NAALAD2: variants seen among roughly 807,000 people sequenced by gnomAD.
NAALAD2 encodes N-acetylated alpha-linked acidic dipeptidase 2, also known as N-acetylated-alpha-linked acidic dipeptidase 2.
A neutral mutation model predicts 95.6 loss-of-function variants in NAALAD2; 89 were observed. That is an observed-to-expected ratio of 0.93 (90% CI 0.78 to 1.11). The LOEUF (loss-of-function observed/expected upper bound fraction) is 1.11, where lower values mean the gene tolerates loss of function less well. Ranked by LOEUF, NAALAD2 falls within the 50% of genes least tolerant of loss-of-function variation. The probability of loss-of-function intolerance (pLI) is 0.00; values close to 1 mark genes in which losing one functional copy is unlikely to be tolerated. For synonymous variants in NAALAD2, 264 were observed against 294.4 expected (o/e 0.90, Z 1.06); for missense variants, 894 against 872.4 (o/e 1.02, Z -0.31).
At chr11:90,164,780 C>G (rs1378841343) in intron 11 of NAALAD2, among the ~76,000 whole-genome samples, 1 of 152,080 alleles carries the variant, frequency 6.6e-6, no homozygotes, top group Non-Finnish European at 1.5e-5. Flanking sequence ...ATTTGAAAAA[C>G]TATTTTAAAA....
chr11:90,182,689 TATAAC>T (rs1231756707), intron 17 of NAALAD2, among the ~76,000 whole-genome samples: 1 of 152,066 alleles, frequency 6.6e-6, no homozygotes, highest in African/African-American at 2.4e-5. Context: ...TGTAAAAAAA[TATAAC>T]AAACGATTTT....
chr11:90,168,836 A>G (rs577711350), intron 11 of NAALAD2, 93 bp from the exon 12 acceptor site: 7 of 1,021,548 alleles, frequency 6.9e-6, no homozygotes, highest in Admixed American at 2.2e-5. Flanking sequence ...AGATACTTGT[A>G]AACCGCTTTT....
intron 11 of NAALAD2, among the ~76,000 whole-genome samples, chr11:90,168,413 A>G (rs902772658): frequency 6.6e-6 from 1 of 152,234 alleles, no homozygotes; most frequent in Non-Finnish European, 1.5e-5. Context: ...AGGCTGAGTC[A>G]AGAGAATTGT....
At chr11:90,161,165 C>G (rs534326745) in intron 8 of NAALAD2, among the ~76,000 whole-genome samples, 2 of 151,360 alleles carry the variant, frequency 1.3e-5, no homozygotes, top group East Asian at 3.9e-4. Context: ...TTTAAGCTGC[C>G]CATACCTGGT....
chr11:90,133,172 T>C (rs1471222451), upstream of NAALAD2, among the ~76,000 whole-genome samples: 1 of 152,200 alleles, frequency 6.6e-6, no homozygotes, highest in Non-Finnish European at 1.5e-5. Flanking sequence ...CTGCAGACAA[T>C]GCTGTGAAGT....
At chr11:90,157,265 G>A (rs752731263) in intron 6 of NAALAD2, among the ~76,000 whole-genome samples, 4 of 152,046 alleles carry the variant, frequency 2.6e-5, no homozygotes, top group African/African-American at 9.7e-5. Flanking sequence ...TTTTTAAAGT[G>A]TTTCATTTAC....
At chr11:90,169,946 A>G (rs925396932) in intron 12 of NAALAD2, 123 bp from the exon 13 acceptor site, 11 of 703,708 alleles carry the variant, frequency 1.6e-5, no homozygotes, top group South Asian at 1.5e-4. Flanking sequence ...TTCTTTGGGA[A>G]TAAAATCTTT....
rs76577722 is a variant in NAALAD2 at position 90,150,540 on chromosome 11, A to C, written c.542A>C (p.Glu181Ala). Reference sequence around the variant, plus strand: ...GAAGACTTTTTCAAACTAGAAAGAGAGATGGGCATCAACTGTACTGGGAAG... The same window carrying C: ...GAAGACTTTTTCAAACTAGAAAGAGCGATGGGCATCAACTGTACTGGGAAG... ...RTEDFFKLER[E>A]MGINCTGKIV... The change falls in exon 5 of 19, where the codon GAG (glutamate) becomes GCG (alanine). Residue 181 changes from glutamate to alanine, a missense_variant. Coordinates refer to ENST00000534061, the MANE Select transcript of NAALAD2 (RefSeq NM_005467.4). 4 of 1,611,198 alleles carry C rather than the reference A, an allele frequency of 2.5e-6. No homozygotes were observed. In the East Asian group the frequency reaches 6.7e-5, roughly 27 times the overall value.
intron 6 of NAALAD2, among the ~76,000 whole-genome samples, chr11:90,157,936 G>T (rs1952170331): frequency 6.6e-6 from 1 of 152,054 alleles, no homozygotes. Context: ...GGCCAGGATG[G>T]TCTCCATCTC....
chr11:90,133,160 G>A (rs551549710), upstream of NAALAD2, among the ~76,000 whole-genome samples: 1 of 152,226 alleles, frequency 6.6e-6, no homozygotes, highest in African/African-American at 2.4e-5. Flanking sequence ...AAGCTATCAG[G>A]GCTGCAGACA....
At chr11:90,133,347 A>G (rs755378804), upstream of NAALAD2, among the ~76,000 whole-genome samples, 3 of 152,166 alleles carry the variant, frequency 2.0e-5, no homozygotes, top group Non-Finnish European at 4.4e-5. Flanking sequence ...TATTTTGCAA[A>G]CCCATCTTTA....
chr11:90,163,012 T>C lies in NAALAD2; in HGVS notation c.1053T>C (p.Thr351=). The change falls in exon 9 of 19, where the codon ACT becomes ACC. Residue 351 remains threonine, a synonymous_variant. Coordinates refer to ENST00000534061, the MANE Select transcript of NAALAD2 (RefSeq NM_005467.4). ...KITRIYNVVG[T]IRGSVEPDRY... ...CAAGGATTTACAATGTAGTTGGAAC[T>C]ATCAGAGGATCTGTGGAACCTGGTG... 1 of 1,573,062 alleles carries C rather than the reference T, an allele frequency of 6.4e-7. No homozygotes were observed. The highest frequency in any genetic ancestry group is 2.3e-5 in the East Asian group (1 of 44,286).
intron 2 of NAALAD2, among the ~76,000 whole-genome samples, chr11:90,138,344 G>A (rs1250683420): frequency 6.6e-6 from 1 of 152,136 alleles, no homozygotes; most frequent in Non-Finnish European, 1.5e-5. Flanking sequence ...AGAAGGTAGA[G>A]AAGGGAGTCA....
At chr11:90,184,706 C>G (rs1857074687) in intron 18 of NAALAD2, among the ~76,000 whole-genome samples, 1 of 152,042 alleles carries the variant, frequency 6.6e-6, no homozygotes, top group Non-Finnish European at 1.5e-5. Flanking sequence ...CCCTTGCCCC[C>G]TACACCCAGT....
chr11:90,181,772 A>C (rs3740814), intron 17 of NAALAD2, 71 bp downstream of exon 17: 389,069 of 986,364 alleles, frequency 0.39, 79,407 homozygotes, highest in Admixed American at 0.55. Flanking sequence ...GAACTGTTTC[A>C]CTCATATTAG....
intron 6 of NAALAD2, among the ~76,000 whole-genome samples, chr11:90,156,965 C>T (rs79962866): frequency 1.8e-4 from 27 of 152,120 alleles, no homozygotes; most frequent in African/African-American, 6.3e-4. Flanking sequence ...CCACTGAGGT[C>T]GGAGAACATA....
At chr11:90,184,286 C>A (rs776134991) in intron 18 of NAALAD2, among the ~76,000 whole-genome samples, 1 of 152,056 alleles carries the variant, frequency 6.6e-6, no homozygotes, top group African/African-American at 2.4e-5. Flanking sequence ...ACATACTTCA[C>A]GTGACCTGGA....
At chr11:90,168,823 G>A in intron 11 of NAALAD2, 106 bp from the exon 12 acceptor site, 1 of 873,984 alleles carries the variant, frequency 1.1e-6, no homozygotes, top group African/African-American at 1.7e-5. Flanking sequence ...ATTTAATTGT[G>A]AAAGATACTT....
At chr11:90,158,494 T>G (rs1294369512) in intron 7 of NAALAD2, 1 of 326,874 alleles carries the variant, frequency 3.1e-6, no homozygotes, top group East Asian at 7.3e-5. Context: ...CTAAGATAAT[T>G]CTGATTTGAG....
Sources: gnomAD v4.1 joint callset for allele counts (sites outside exome capture counted in the v4.1 genomes callset) on GRCh38, gnomAD v4.1.1 for gene constraint, MANE v1.5 for transcripts, NCBI Gene and HGNC (gene_info 2026-07-23, HGNC 2026-07-21) for gene names.